The following SLCO3A1 variants were observed in gnomAD, a reference collection of about 807,000 sequenced individuals.
The protein encoded by SLCO3A1 is PGE1 transporter.
In SLCO3A1, 27 loss-of-function variants were observed where a neutral mutation model predicts 63.1. That is an observed-to-expected ratio of 0.43 (90% CI 0.32 to 0.59). The LOEUF is 0.59. Among genes scored for constraint, SLCO3A1 ranks in the 20% least tolerant of loss-of-function variants. The probability of loss-of-function intolerance (pLI) is 0.09; values close to 1 mark genes in which losing one functional copy is unlikely to be tolerated. For synonymous variants in SLCO3A1, 473 were observed against 409.9 expected (o/e 1.15, Z -1.86); for missense variants, 773 against 945.8 (o/e 0.82, Z 2.40).
chr15:91,947,857 A>G (rs1250677615), intron 2 of SLCO3A1, among the ~76,000 whole-genome samples: 3 of 152,160 alleles, frequency 2.0e-5, no homozygotes, highest in Non-Finnish European at 4.4e-5. Context: ...CGGTCTGTAC[A>G]CTGCAGAGTG....
intron 6 of SLCO3A1, among the ~76,000 whole-genome samples, chr15:92,127,455 G>A (rs565804378): frequency 3.9e-5 from 6 of 152,284 alleles, no homozygotes; most frequent in Non-Finnish European, 5.9e-5. Flanking sequence ...GCTGTGCCTC[G>A]GTTTCTTCTC....
At chr15:91,909,740 C>G (rs911399935) in intron 1 of SLCO3A1, among the ~76,000 whole-genome samples, 1 of 152,204 alleles carries the variant, frequency 6.6e-6, no homozygotes, top group Admixed American at 6.5e-5. Context: ...CACAAGCGCT[C>G]CAGACTGAGC....
chr15:91,895,350 A>C (rs912649692), intron 1 of SLCO3A1, among the ~76,000 whole-genome samples: 3 of 152,214 alleles, frequency 2.0e-5, no homozygotes, highest in African/African-American at 7.2e-5. Flanking sequence ...TCATTTCTTC[A>C]TGAAACAATG....
intron 2 of SLCO3A1, among the ~76,000 whole-genome samples, chr15:91,951,882 C>T (rs1900012395): frequency 6.6e-6 from 1 of 152,128 alleles, no homozygotes; most frequent in African/African-American, 2.4e-5. Flanking sequence ...TGCGAACGTG[C>T]ATTTTTGATT....
At chr15:92,091,646 C>T (rs749524052) in intron 2 of SLCO3A1, among the ~76,000 whole-genome samples, 20 of 152,192 alleles carry the variant, frequency 1.3e-4, no homozygotes, top group Non-Finnish European at 2.8e-4. Context: ...CACCACCGGA[C>T]TGTCCTTTGA....
chr15:91,919,307 A>G (rs977024317), intron 2 of SLCO3A1, among the ~76,000 whole-genome samples: 1 of 152,208 alleles, frequency 6.6e-6, no homozygotes. Flanking sequence ...TGGATGGGCT[A>G]TTCACAAGGG....
intron 2 of SLCO3A1, among the ~76,000 whole-genome samples, chr15:92,046,463 G>A (rs184284761): frequency 6.6e-6 from 1 of 152,256 alleles, no homozygotes; most frequent in African/African-American, 2.4e-5. Flanking sequence ...CCAGGAGGCG[G>A]AGGTTGCATT....
At chr15:92,004,693 T>A (rs529158929) in intron 2 of SLCO3A1, among the ~76,000 whole-genome samples, 1 of 152,308 alleles carries the variant, frequency 6.6e-6, no homozygotes, top group South Asian at 2.1e-4. Context: ...TGCTGGTGAG[T>A]GAGTTGGAGA....
Position 92,164,314 on chromosome 15 carries a change from G to GA in SLCO3A1, c.*1188dup, listed in dbSNP as rs562177189. Reference sequence around the variant, plus strand: ...AAGAATATACAATGTGTTACAAGAAGAAAAAAAAATGCTTCAAAAAGAGAG... The same window carrying GA: ...AAGAATATACAATGTGTTACAAGAAGAAAAAAAAAATGCTTCAAAAAGAGAG... On this transcript the variant is annotated 3_prime_UTR_variant, in exon 10 of 10. Transcript: ENST00000318445. 2.9e-3 allele frequency: 2,771 copies of GA among 959,594 alleles called. 6 individuals carry two copies. The highest frequency in any genetic ancestry group is 3.2e-3 in the Non-Finnish European group (2,616 of 807,060). The allele number at this position is 959,594 out of a possible 1,614,324, so 59.4% of individuals were successfully genotyped here.
At chr15:91,877,771 G>A (rs144778048) in intron 1 of SLCO3A1, among the ~76,000 whole-genome samples, 4 of 152,268 alleles carry the variant, frequency 2.6e-5, no homozygotes, top group African/African-American at 9.6e-5. Flanking sequence ...AAGGGGTGTG[G>A]TCTATAGAAG....
intron 2 of SLCO3A1, among the ~76,000 whole-genome samples, chr15:91,966,204 A>G (rs1257382492): frequency 6.6e-6 from 1 of 151,992 alleles, no homozygotes; most frequent in Middle Eastern, 3.2e-3. Flanking sequence ...CAGCCACACC[A>G]TAACTGCACC....
rs1491092100 is a variant in SLCO3A1 at position 92,154,985 on chromosome 15, G to GT, written c.1753+3972dup. Among the ~76,000 whole-genome samples, 4 of 152,314 alleles carry GT rather than the reference G, an allele frequency of 2.6e-5. No individual in the cohort carries two copies. The East Asian group carries it at 7.7e-4, about 29-fold the overall frequency. On this transcript the variant is annotated intron_variant, in intron 9 of 9. Transcript: ENST00000318445. ...GTTCTGACCAATGACAAAGCCCAGG[G>GT]TGTTGCTGGCCAGAGAGGGACAGGG...
At chr15:92,068,717 G>A (rs1027818686) in intron 2 of SLCO3A1, among the ~76,000 whole-genome samples, 2 of 152,184 alleles carry the variant, frequency 1.3e-5, no homozygotes, top group Non-Finnish European at 2.9e-5. Flanking sequence ...TGTTCTGTCC[G>A]AATGGTGTTA....
rs529009579 is a variant in SLCO3A1, at chr15:91,882,741, C to T, written c.180+28653C>T. 1.3e-5 allele frequency among the ~76,000 whole-genome samples: 2 copies of T among 152,174 alleles called. No individual in the cohort carries two copies. Among genetic ancestry groups the T allele is most frequent in the Non-Finnish European group, 2.9e-5 (2 of 68,034 alleles). ...TTCACCATGTTGGCCAGGCTGGTCT[C>T]GAACTCCTGACCTCAGGTCATCTGC... On this transcript the variant is annotated intron_variant, in intron 1 of 9. Transcript: ENST00000318445. The surrounding 1 kb of genome is among the most constrained non-coding windows in gnomAD (Gnocchi z 4.4).
chr15:92,013,864 C>T (rs531659019), intron 2 of SLCO3A1, among the ~76,000 whole-genome samples: 71 of 152,204 alleles, frequency 4.7e-4, no homozygotes, highest in Non-Finnish European at 6.6e-4. Context: ...CTCAGTTTCT[C>T]ACCTTGTGAG....
chr15:92,004,261 G>C (rs991057310), intron 2 of SLCO3A1, among the ~76,000 whole-genome samples: 3 of 152,226 alleles, frequency 2.0e-5, no homozygotes, highest in Non-Finnish European at 4.4e-5. Flanking sequence ...CCTGCTAGCT[G>C]TGTGATTGTG....
chr15:91,924,533 GA>G (rs572528607), intron 2 of SLCO3A1, among the ~76,000 whole-genome samples: 160 of 152,152 alleles, frequency 1.1e-3, no homozygotes, highest in Non-Finnish European at 1.9e-3. Context: ...AATAAAACAC[GA>G]AAAAAGAAAA....
At chr15:91,926,596 T>TGTGCAC in intron 2 of SLCO3A1, among the ~76,000 whole-genome samples, 4 of 105,256 alleles carry the variant, frequency 3.8e-5, no homozygotes, top group Non-Finnish European at 8.4e-5. Context: ...TGTGTGTGTG[T>TGTGCAC]GCGCGCGCGC....
At chr15:92,094,466 C>T (rs1239187635) in intron 2 of SLCO3A1, among the ~76,000 whole-genome samples, 1 of 152,170 alleles carries the variant, frequency 6.6e-6, no homozygotes, top group Non-Finnish European at 1.5e-5. Flanking sequence ...TGAGTTTGCA[C>T]AGTGGGTGTC....
Sources: gnomAD v4.1 joint callset for allele counts (sites outside exome capture counted in the v4.1 genomes callset) on GRCh38, gnomAD v4.1.1 for gene constraint, Gnocchi (gnomAD v3.1) non-coding constraint, MANE v1.5 for transcripts, NCBI Gene and HGNC (gene_info 2026-07-23, HGNC 2026-07-21) for gene names.